MARCHF11: variants seen among roughly 807,000 people sequenced by gnomAD.
MARCHF11 encodes the protein E3 ubiquitin-protein ligase MARCHF11.
A neutral mutation model predicts 37.3 loss-of-function variants in MARCHF11; 29 were observed. That is an observed-to-expected ratio of 0.78 (90% CI 0.58 to 1.06). The LOEUF (loss-of-function observed/expected upper bound fraction) is 1.06, where lower values mean the gene tolerates loss of function less well. Ranked by LOEUF, MARCHF11 falls within the 50% of genes least tolerant of loss-of-function variation. MARCHF11 has a pLI of 0.00. For missense variants in MARCHF11, 482 were observed against 533.4 expected (o/e 0.90, Z 0.95); for synonymous variants, 233 against 228.0 (o/e 1.02, Z -0.20).
intron 2 of MARCHF11, among the ~76,000 whole-genome samples, chr5:16,115,299 G>C (rs1336693719): frequency 2.0e-5 from 3 of 152,154 alleles, no homozygotes; most frequent in Non-Finnish European, 2.9e-5. Flanking sequence ...TATGCACTTA[G>C]CACCACTTCT....
chr5:16,179,285 C>A lies in MARCHF11; in HGVS notation c.291G>T (p.Ala97=). 1 of 1,292,622 alleles carries A rather than the reference C, an allele frequency of 7.7e-7. No individual in the cohort carries two copies. The allele number at this position is 1,292,622 out of a possible 1,614,324, so 80.1% of individuals were successfully genotyped here. ...GACCTTCCCCGGAGTCGCCGGCCGC[C>A]GCCACTTCCTGGCCGGCGGGCTGCA... ...LPLQPAGQEV[A]AAGDSGEGPR... Residue 97 remains alanine (A), a synonymous_variant, in exon 1 of 4, where the codon GCG becomes GCT. Coordinates refer to ENST00000332432, the MANE Select transcript of MARCHF11 (RefSeq NM_001102562.3).
intron 1 of MARCHF11, among the ~76,000 whole-genome samples, chr5:16,178,571 C>A (rs1331290001): frequency 6.6e-6 from 1 of 152,198 alleles, no homozygotes; most frequent in African/African-American, 2.4e-5. Flanking sequence ...CTATCACATG[C>A]TTTTCACATC....
chr5:16,079,077 T>C (rs1736564769), intron 3 of MARCHF11, among the ~76,000 whole-genome samples: 1 of 152,140 alleles, frequency 6.6e-6, no homozygotes, highest in Admixed American at 6.5e-5. Flanking sequence ...GACCCCTGAC[T>C]CCTGAGCCTG....
intron 2 of MARCHF11, among the ~76,000 whole-genome samples, chr5:16,100,082 A>C (rs1271695146): frequency 2.0e-5 from 3 of 152,158 alleles, no homozygotes; most frequent in Non-Finnish European, 4.4e-5. Flanking sequence ...AAGCACCCTG[A>C]GGGATGGGTT....
intron 2 of MARCHF11, among the ~76,000 whole-genome samples, chr5:16,097,560 CA>C (rs1261154649): frequency 6.6e-6 from 1 of 152,078 alleles, no homozygotes; most frequent in East Asian, 1.9e-4. Flanking sequence ...GGAGATACTA[CA>C]AATAGCTGTA....
At chr5:16,100,111 A>T (rs776789252) in intron 2 of MARCHF11, among the ~76,000 whole-genome samples, 6 of 152,158 alleles carry the variant, frequency 3.9e-5, no homozygotes, top group Non-Finnish European at 5.9e-5. Flanking sequence ...GGTTCCTGGG[A>T]TAAGTGTCCA....
At chr5:16,091,720 C>T (rs1736793450) in intron 2 of MARCHF11, among the ~76,000 whole-genome samples, 1 of 152,092 alleles carries the variant, frequency 6.6e-6, no homozygotes, top group African/African-American at 2.4e-5. Flanking sequence ...GAATTTGTAC[C>T]TACATGAAGT....
intron 2 of MARCHF11, among the ~76,000 whole-genome samples, chr5:16,167,429 C>T (rs930049014): frequency 4.6e-5 from 7 of 152,012 alleles, no homozygotes; most frequent in Admixed American, 6.6e-5. Flanking sequence ...GATGTTCCAG[C>T]ATGAAAACAG....
At chr5:16,173,765 T>A (rs987190922) in intron 2 of MARCHF11, among the ~76,000 whole-genome samples, 4 of 152,146 alleles carry the variant, frequency 2.6e-5, no homozygotes, top group Admixed American at 2.6e-4. Context: ...ACTTAACAGA[T>A]CATAATATCC....
At chr5:16,090,814 C>A in intron 3 of MARCHF11, 75 bp downstream of exon 3, 1 of 1,167,036 alleles carries the variant, frequency 8.6e-7, no homozygotes, top group East Asian at 2.7e-5. Context: ...TCTATTAGAT[C>A]CGAATGGTGA....
chr5:16,067,860 T>C, intron 3 of MARCHF11, 67 bp from the exon 4 acceptor site: 1 of 1,387,114 alleles, frequency 7.2e-7, no homozygotes, highest in Non-Finnish European at 9.7e-7. Context: ...TGTTATTTTG[T>C]ATACAAGTAA....
At chr5:16,156,142 G>C (rs1346723822) in intron 2 of MARCHF11, among the ~76,000 whole-genome samples, 1 of 151,852 alleles carries the variant, frequency 6.6e-6, no homozygotes, top group East Asian at 1.9e-4. Flanking sequence ...ACTGAGTTCT[G>C]AATGTATTTA....
intron 2 of MARCHF11, among the ~76,000 whole-genome samples, chr5:16,119,107 A>G (rs147700076): frequency 6.6e-6 from 1 of 152,282 alleles, no homozygotes; most frequent in African/African-American, 2.4e-5. Flanking sequence ...TAATGCCTGT[A>G]ATCCCAGCAC....
At position 16,104,260 on chromosome 5, in the gene MARCHF11, C is replaced by G. The variant is rs74453964; in HGVS notation, c.694-13179G>C. Among the ~76,000 whole-genome samples the G allele has an allele frequency of 2.0e-3, 305 of 152,236 alleles. 8 individuals carry two copies. The East Asian group carries it at 0.05, about 25-fold the overall frequency. Reference sequence around the variant, plus strand: ...TTCATTATTCAACCTTTCTTTCCTTCCCACCTTTTCCCCTTATCCCTCCTC... The same window carrying G: ...TTCATTATTCAACCTTTCTTTCCTTGCCACCTTTTCCCCTTATCCCTCCTC... On this transcript the variant is annotated intron_variant, in intron 2 of 3. Transcript: ENST00000332432.
At chr5:16,174,229 A>G (rs1306863319) in intron 2 of MARCHF11, among the ~76,000 whole-genome samples, 1 of 152,246 alleles carries the variant, frequency 6.6e-6, no homozygotes, top group East Asian at 1.9e-4. Context: ...CTTTACTCTC[A>G]AATTGTCCTT....
At chr5:16,069,678 T>C (rs953022647) in intron 3 of MARCHF11, among the ~76,000 whole-genome samples, 4 of 152,064 alleles carry the variant, frequency 2.6e-5, no homozygotes, top group African/African-American at 9.7e-5. Context: ...GAAACTGTAA[T>C]GGAAGAAAGC....
intron 3 of MARCHF11, among the ~76,000 whole-genome samples, chr5:16,084,261 T>C (rs1736656410): frequency 6.6e-6 from 1 of 152,198 alleles, no homozygotes. Flanking sequence ...TTCAAAGTAG[T>C]TTTCTTGTGC....
At chr5:16,148,749 A>G (rs1384003104) in intron 2 of MARCHF11, among the ~76,000 whole-genome samples, 3 of 152,138 alleles carry the variant, frequency 2.0e-5, no homozygotes, top group African/African-American at 7.2e-5. Context: ...CAGAAATTCT[A>G]GCTTAGCTAT....
chr5:16,094,539 G>A (rs1471679574), intron 2 of MARCHF11, among the ~76,000 whole-genome samples: 2 of 152,056 alleles, frequency 1.3e-5, no homozygotes, highest in Admixed American at 1.3e-4. Flanking sequence ...GTGTGCGCAT[G>A]TGTGTGTGTT....
Sources: allele counts gnomAD v4.1 joint callset (sites outside exome capture counted in the v4.1 genomes callset), GRCh38; gene constraint gnomAD v4.1.1; transcripts MANE v1.5; gene names NCBI Gene and HGNC (gene_info 2026-07-23, HGNC 2026-07-21).